SLIT3: variants seen among roughly 807,000 people sequenced by gnomAD.
SLIT3 encodes the protein slit guidance ligand 3, also known as slit homolog 3 protein.
SLIT3 carries 68 observed loss-of-function variants against 184.0 expected under a neutral mutation model. The ratio of observed to expected loss-of-function variants is 0.37; its 90% CI spans 0.30 to 0.45. SLIT3 has a LOEUF of 0.45. Ranked by LOEUF, SLIT3 falls within the 20% of genes least tolerant of loss-of-function variation. The pLI is 1.00. For synonymous variants in SLIT3, 831 were observed against 828.6 expected (o/e 1.00, Z -0.05); for missense variants, 1,707 against 2,026.0 (o/e 0.84, Z 3.02).
chr5:168,831,531 C>T (rs1757882056), intron 6 of SLIT3, among the ~76,000 whole-genome samples: 1 of 152,196 alleles, frequency 6.6e-6, no homozygotes, highest in South Asian at 2.1e-4. Context: ...ACATAATGAT[C>T]TCACAAGGGG....
At chr5:168,958,802 C>G (rs1350335522) in intron 4 of SLIT3, among the ~76,000 whole-genome samples, 1 of 152,246 alleles carries the variant, frequency 6.6e-6, no homozygotes, top group African/African-American at 2.4e-5. Flanking sequence ...TACCGACATT[C>G]TTTTCTCCAA....
rs1233049958 is a variant in SLIT3 at position 168,761,443 on chromosome 5, C to CAAT, written c.1611-510_1611-508dup. ...TGACTTGTGAAATTAGAGAGGACAA[C>CAAT]AATAATAATAATAATGAAGACCACT... On this transcript the variant is annotated intron_variant, in intron 15 of 35. Coordinates refer to ENST00000519560, the MANE Select transcript of SLIT3 (RefSeq NM_003062.4). Among the ~76,000 whole-genome samples, 74 of 152,078 alleles carry CAAT rather than the reference C, an allele frequency of 4.9e-4. 1 individual carries two copies. The highest frequency in any genetic ancestry group is 1.5e-3 in the African/African-American group (64 of 41,498).
chr5:169,160,137 C>T (rs1437618193), intron 4 of SLIT3, among the ~76,000 whole-genome samples: 1 of 152,212 alleles, frequency 6.6e-6, no homozygotes, highest in Non-Finnish European at 1.5e-5. Context: ...TTTAGTTGAA[C>T]TTAATCCTCA....
intron 4 of SLIT3, among the ~76,000 whole-genome samples, chr5:169,054,439 C>T (rs1757920846): frequency 6.6e-6 from 1 of 152,098 alleles, no homozygotes; most frequent in Non-Finnish European, 1.5e-5. Context: ...TTGCTTTTAA[C>T]CACCCACTTT....
intron 4 of SLIT3, among the ~76,000 whole-genome samples, chr5:169,159,590 A>C (rs544104137): frequency 3.4e-4 from 51 of 151,602 alleles, no homozygotes; most frequent in Non-Finnish European, 6.1e-4. Flanking sequence ...CCTGGCTAAC[A>C]TGGTGAAACC....
At chr5:168,762,380 G>A (rs1001848953) in intron 15 of SLIT3, among the ~76,000 whole-genome samples, 159 bp downstream of exon 15, 1 of 152,186 alleles carries the variant, frequency 6.6e-6, no homozygotes, top group Non-Finnish European at 1.5e-5. Context: ...CACAGGAGAT[G>A]CCTGGGTATC....
rs1422288753 is a variant in SLIT3, at chr5:168,664,338, A to G, written c.*2116T>C. ...GGCTGCGGTGAGCTATGATCGAACCACTCTACTCCAGCCTGGGTGACAAAG... is the reference window on the plus strand; with the variant it reads ...GGCTGCGGTGAGCTATGATCGAACCGCTCTACTCCAGCCTGGGTGACAAAG... On this transcript the variant is annotated 3_prime_UTR_variant, in exon 36 of 36. Coordinates refer to ENST00000519560, the MANE Select transcript of SLIT3 (RefSeq NM_003062.4). 1.3e-5 allele frequency: 2 copies of G among 152,116 alleles called. No homozygotes were observed. The allele number at this position is 152,116 out of a possible 1,614,324, so 9.4% of individuals were successfully genotyped here.
chr5:169,110,264 T>C (rs1285823646), intron 4 of SLIT3, among the ~76,000 whole-genome samples: 1 of 152,232 alleles, frequency 6.6e-6, no homozygotes, highest in Non-Finnish European at 1.5e-5. Context: ...ACTTATCATC[T>C]GACACAGCTT....
chr5:169,085,046 G>C (rs932077932), intron 4 of SLIT3, among the ~76,000 whole-genome samples: 2 of 152,212 alleles, frequency 1.3e-5, no homozygotes, highest in Non-Finnish European at 2.9e-5. Context: ...AGCAACACGT[G>C]GAGGAGATTT....
chr5:169,198,550 T>C (rs368002504), intron 3 of SLIT3, among the ~76,000 whole-genome samples: 1 of 152,176 alleles, frequency 6.6e-6, no homozygotes, highest in African/African-American at 2.4e-5. Flanking sequence ...TTATCCATAA[T>C]AAAGAATTTG....
intron 5 of SLIT3, among the ~76,000 whole-genome samples, chr5:168,870,807 A>T (rs542420198): frequency 3.3e-5 from 5 of 152,230 alleles, no homozygotes; most frequent in African/African-American, 1.2e-4. Flanking sequence ...CACTGTTGAA[A>T]ATAACTATTT....
At chr5:168,755,389 A>ATTTATTTATTTC (rs1213373035) in intron 16 of SLIT3, among the ~76,000 whole-genome samples, 6 of 133,640 alleles carry the variant, frequency 4.5e-5, no homozygotes, top group East Asian at 2.4e-4. Flanking sequence ...CAGTGCCGCC[A>ATTTATTTATTTC]TTTCTTTCTT....
chr5:169,130,756 G>A (rs1227777718), intron 4 of SLIT3, among the ~76,000 whole-genome samples: 2 of 152,106 alleles, frequency 1.3e-5, no homozygotes, highest in African/African-American at 2.4e-5. Flanking sequence ...AAACATGAGG[G>A]AAGGAAAAAT....
chr5:169,208,956 G>A (rs964422029), intron 3 of SLIT3, among the ~76,000 whole-genome samples: 1 of 152,142 alleles, frequency 6.6e-6, no homozygotes, highest in Non-Finnish European at 1.5e-5. Flanking sequence ...TTGACAAATG[G>A]GATCTAATTA....
intron 15 of SLIT3, 104 bp downstream of exon 15, chr5:168,762,435 G>C: frequency 8.1e-7 from 1 of 1,242,180 alleles, no homozygotes; most frequent in Non-Finnish European, 1.2e-6. Flanking sequence ...AACACCACAT[G>C]ACTGAGCCAG....
intron 4 of SLIT3, among the ~76,000 whole-genome samples, chr5:169,158,057 C>T (rs1252767976): frequency 6.6e-6 from 1 of 151,654 alleles, no homozygotes; most frequent in Non-Finnish European, 1.5e-5. Flanking sequence ...TTAAAAAATA[C>T]ATGAAGAAAT....
intron 33 of SLIT3, among the ~76,000 whole-genome samples, chr5:168,672,680 C>T (rs1761290289): frequency 6.6e-6 from 1 of 152,174 alleles, no homozygotes; most frequent in African/African-American, 2.4e-5. Context: ...CACTGTGTTG[C>T]CTAGGCTGGC....
rs767991341 is a variant in SLIT3, at chr5:168,722,269, A to C, written c.2470T>G (p.Ser824Ala). 2.4e-5 allele frequency: 39 copies of C among 1,613,966 alleles called. No individual in the cohort carries two copies. The highest frequency in any genetic ancestry group is 3.2e-5 in the Non-Finnish European group (38 of 1,180,020). ...IPVHAFNGLR[S>A]LRVLTLHGND... ...TGGGGTACTCACAGCACTCGCAGGG[A>C]CCGCAGCCCGTTGAAGGCGTGGACG... The change falls in exon 23 of 36, where the codon TCC becomes GCC. Residue 824 changes from serine (S) to alanine (A), a missense_variant. Physicochemically the swap from Ser to Ala is moderately conservative, Grantham distance 99. Around this residue, in one of 3 missense-constraint regions of SLIT3, gnomAD observed 1,307 missense variants for 1,511.6 expected, o/e 0.86. Transcript: ENST00000519560.
At chr5:168,856,186 T>C (rs542624025) in intron 5 of SLIT3, among the ~76,000 whole-genome samples, 3 of 152,182 alleles carry the variant, frequency 2.0e-5, no homozygotes, top group Non-Finnish European at 4.4e-5. Context: ...TGCCACTGAA[T>C]TGTACTTTTA....
Sources: gnomAD v4.1 joint callset for allele counts (sites outside exome capture counted in the v4.1 genomes callset) on GRCh38, gnomAD v4.1.1 for gene constraint, gnomAD v4.1.1 regional missense constraint, MANE v1.5 for transcripts, NCBI Gene and HGNC (gene_info 2026-07-23, HGNC 2026-07-21) for gene names.